MFSD6: variants seen among roughly 807,000 people sequenced by gnomAD.
MFSD6 encodes the protein major facilitator superfamily domain-containing protein 6.
In MFSD6, 26 loss-of-function variants were observed where a neutral mutation model predicts 56.3. The ratio of observed to expected loss-of-function variants is 0.46; its 90% CI spans 0.34 to 0.64. MFSD6 has a LOEUF of 0.64. MFSD6 is among the 30% of genes least tolerant of loss of function. The pLI, the probability that MFSD6 is intolerant of heterozygous loss-of-function variation, is 0.01. For missense variants in MFSD6, 750 were observed against 986.2 expected (o/e 0.76, Z 3.21); for synonymous variants, 331 against 366.9 (o/e 0.90, Z 1.12).
rs951504868 is a variant in MFSD6 at position 190,497,520 on chromosome 2, C to T, written c.1973C>T (p.Thr658Ile). Residue 658 changes from threonine (T) to isoleucine (I), a missense_variant, in exon 7 of 8, where the codon ACA becomes ATA. Coordinates refer to ENST00000392328, the MANE Select transcript of MFSD6 (RefSeq NM_017694.4). The surrounding 1 kb of genome is among the most constrained non-coding windows in gnomAD (Gnocchi z 5.2). ...IATIDLVQQQ[T>I]EDVMPRIEPR... The stretch of plus-strand genomic sequence containing the variant: ...ACCATCGACTTGGTACAGCAACAGA[C>T]AGAAGATGTCATGCCACGCATTGAG... 1.9e-6 allele frequency: 3 copies of T among 1,614,060 alleles called. No homozygotes were observed. The African/African-American group carries it at 4.0e-5, about 22-fold the overall frequency.
At chr2:190,476,943 C>G (rs983923406) in intron 4 of MFSD6, among the ~76,000 whole-genome samples, 1 of 150,988 alleles carries the variant, frequency 6.6e-6, no homozygotes, top group African/African-American at 2.4e-5. Flanking sequence ...TCTCAGCAAA[C>G]TATTGTAAGG....
intron 3 of MFSD6, among the ~76,000 whole-genome samples, chr2:190,460,796 C>A (rs1687290111): frequency 6.6e-6 from 1 of 152,174 alleles, no homozygotes; most frequent in Admixed American, 6.5e-5. Flanking sequence ...GTCCATTTGT[C>A]ATCCCTGCGA....
chr2:190,450,233 A>G (rs1451962971), intron 3 of MFSD6, among the ~76,000 whole-genome samples: 1 of 152,110 alleles, frequency 6.6e-6, no homozygotes, highest in African/African-American at 2.4e-5. Context: ...TTCTACATAT[A>G]CATGGAAATA....
In MFSD6 at chr2:190,469,902, C is replaced by A; in HGVS notation, c.1630+47C>A. 7.1e-7 allele frequency: 1 copy of A among 1,417,988 alleles called. No individual in the cohort carries two copies. Among genetic ancestry groups the A allele is most frequent in the Non-Finnish European group, 9.9e-7 (1 of 1,010,128 alleles). The allele number at this position is 1,417,988 out of a possible 1,614,324, so 87.8% of individuals were successfully genotyped here. On this transcript the variant is annotated intron_variant, in intron 4 of 7. Transcript: ENST00000392328. The surrounding 1 kb of genome is among the most constrained non-coding windows in gnomAD (Gnocchi z 5.3). Reference sequence around the variant, plus strand: ...AAATTATTTCTCTGCCTTCCCTGAGCTGTGGCTAAAAGCCCAGTGGCCTTC... The same window carrying A: ...AAATTATTTCTCTGCCTTCCCTGAGATGTGGCTAAAAGCCCAGTGGCCTTC...
Position 190,497,433 on chromosome 2 carries a change from C to T in MFSD6, c.1892-6C>T, listed in dbSNP as rs1479829633. Reference sequence around the variant, plus strand: ...AAAAATAGTTTAAACATTCTTTTCTCTCCAGACAAGACAATGTTGGCAGAA... The same window carrying T: ...AAAAATAGTTTAAACATTCTTTTCTTTCCAGACAAGACAATGTTGGCAGAA... On this transcript the variant is annotated splice_polypyrimidine_tract_variant and splice_region_variant and intron_variant, in intron 6 of 7. Coordinates refer to ENST00000392328, the MANE Select transcript of MFSD6 (RefSeq NM_017694.4). The surrounding 1 kb of genome is among the most constrained non-coding windows in gnomAD (Gnocchi z 5.2). The T allele has an allele frequency of 1.9e-6, 3 of 1,611,756 alleles. No individual in the cohort carries two copies. Among genetic ancestry groups the T allele is most frequent in the Admixed American group, 1.7e-5 (1 of 59,930 alleles).
At chr2:190,464,548 G>A (rs1284610480) in intron 3 of MFSD6, among the ~76,000 whole-genome samples, 1 of 152,102 alleles carries the variant, frequency 6.6e-6, no homozygotes, top group East Asian at 1.9e-4. Context: ...CAGTCACCCT[G>A]TCTGGCCACA....
At chr2:190,420,964 T>C (rs1429047171) in intron 2 of MFSD6, among the ~76,000 whole-genome samples, 1 of 152,228 alleles carries the variant, frequency 6.6e-6, no homozygotes, top group Non-Finnish European at 1.5e-5. Context: ...ATAACGACTT[T>C]GTATTTGTTG....
chr2:190,427,574 C>T (rs896409339), intron 2 of MFSD6, among the ~76,000 whole-genome samples: 2 of 152,132 alleles, frequency 1.3e-5, no homozygotes, highest in Non-Finnish European at 2.9e-5. Context: ...TCCTTGGGTA[C>T]CAAGGTCCAT....
In MFSD6 at chr2:190,412,739, C is replaced by A; in HGVS notation, c.-175-2553C>A. 2.1e-6 allele frequency: 1 copy of A among 470,534 alleles called. No individual in the cohort carries two copies. Among genetic ancestry groups the A allele is most frequent in the Non-Finnish European group, 2.8e-6 (1 of 359,644 alleles). 29.1% of individuals were successfully genotyped at this position (470,534 alleles called of 1,614,324 possible). ...GGGGGTGAGAGGGGCTTGTGTCAGC[C>A]TGATTTGTTTTCCTAAATTCTGAAT... On this transcript the variant is annotated intron_variant, in intron 1 of 7. Coordinates refer to ENST00000392328, the MANE Select transcript of MFSD6 (RefSeq NM_017694.4). The surrounding 1 kb of genome is among the most constrained non-coding windows in gnomAD (Gnocchi z 4.1).
In MFSD6 at chr2:190,489,556, G is replaced by A. The variant is rs771883726; in HGVS notation, c.1793-212G>A. 2.6e-5 allele frequency among the ~76,000 whole-genome samples: 4 copies of A among 152,124 alleles called. No homozygotes were observed. Among genetic ancestry groups the A allele is most frequent in the East Asian group, 3.8e-4 (2 of 5,196 alleles). On this transcript the variant is annotated intron_variant, in intron 5 of 7. Transcript: ENST00000392328. The surrounding 1 kb of genome is among the most constrained non-coding windows in gnomAD (Gnocchi z 6.6). ...CCTATATAAATGCAGTTTTATAATC[G>A]ATCAATGACAGATCCAATATCAGCC...
At position 190,412,260 on chromosome 2, in the gene MFSD6, G is replaced by T; in HGVS notation, c.-175-3032G>T. The T allele has an allele frequency of 1.0e-6, 1 of 984,378 alleles. No individual in the cohort carries two copies. The highest frequency in any genetic ancestry group is 1.2e-6 in the Non-Finnish European group (1 of 829,092). The allele number at this position is 984,378 out of a possible 1,614,324, so 61.0% of individuals were successfully genotyped here. A position where few individuals can be genotyped will look rare whatever the true frequency, so the allele number is the denominator to read the frequency against. On this transcript the variant is annotated intron_variant, in intron 1 of 7. Coordinates refer to ENST00000392328, the MANE Select transcript of MFSD6 (RefSeq NM_017694.4). This position sits in a 1 kb window ranked among gnomAD's most constrained non-coding sequence, Gnocchi z 4.1. ...TCAAGAAAACACATGCTTAAACTTG[G>T]TTAATTATCATTGTGGTAGTAGGTA...
intron 2 of MFSD6, among the ~76,000 whole-genome samples, chr2:190,432,767 G>A (rs924521308): frequency 2.0e-5 from 3 of 151,860 alleles, no homozygotes. Flanking sequence ...ATTTGTTTGG[G>A]GTTTAGACTT....
chr2:190,479,836 G>A (rs1000660114), intron 4 of MFSD6, among the ~76,000 whole-genome samples: 4 of 152,152 alleles, frequency 2.6e-5, no homozygotes, highest in South Asian at 2.1e-4. Context: ...AGTGGGAGCC[G>A]GGTTAAGATT....
At position 190,467,572 on chromosome 2, in the gene MFSD6, C is replaced by A. The variant is rs536953849; in HGVS notation, c.1533-2186C>A. Among the ~76,000 whole-genome samples, 2 of 152,204 alleles carry A rather than the reference C, an allele frequency of 1.3e-5. No homozygotes were observed. Among genetic ancestry groups the A allele is most frequent in the Admixed American group, 6.5e-5 (1 of 15,288 alleles). ...AGGTTTCAGTGAGCCGAGATCGTGC[C>A]ACTGCTCTCTAGCCTCGGCAACAGA... On this transcript the variant is annotated intron_variant, in intron 3 of 7. Transcript: ENST00000392328. This position sits in a 1 kb window ranked among gnomAD's most constrained non-coding sequence, Gnocchi z 5.5.
chr2:190,451,221 G>A lies in MFSD6; in HGVS notation c.1532+13660G>A, dbSNP rs1046273753. On this transcript the variant is annotated intron_variant, in intron 3 of 7. Transcript: ENST00000392328. This position sits in a 1 kb window ranked among gnomAD's most constrained non-coding sequence, Gnocchi z 5.0. ...CCCACACTTAGTCCTGTCTAACATTGGATAAGTCAGTAATTTTAGCTTTGT... is the reference window on the plus strand; with the variant it reads ...CCCACACTTAGTCCTGTCTAACATTAGATAAGTCAGTAATTTTAGCTTTGT... Among the ~76,000 whole-genome samples, 1 of 152,160 alleles carries A rather than the reference G, an allele frequency of 6.6e-6. No homozygotes were observed. Among genetic ancestry groups the A allele is most frequent in the South Asian group, 2.1e-4 (1 of 4,830 alleles).
At position 190,487,235 on chromosome 2, in the gene MFSD6, G is replaced by A. The variant is rs527632605; in HGVS notation, c.1631-1422G>A. Among the ~76,000 whole-genome samples, 1 of 152,290 alleles carries A rather than the reference G, an allele frequency of 6.6e-6. No individual in the cohort carries two copies. The highest frequency in any genetic ancestry group is 2.1e-4 in the South Asian group (1 of 4,830). On this transcript the variant is annotated intron_variant, in intron 4 of 7. Transcript: ENST00000392328. This position sits in a 1 kb window ranked among gnomAD's most constrained non-coding sequence, Gnocchi z 5.5. ...GGGCACTTGTAGTCCCAGCTACTTGGGAGGCTGAAGCAGGAGGATCGCTTG... is the reference window on the plus strand; with the variant it reads ...GGGCACTTGTAGTCCCAGCTACTTGAGAGGCTGAAGCAGGAGGATCGCTTG...
chr2:190,464,938 T>TTATA (rs1472127084), intron 3 of MFSD6: 1 of 981,446 alleles, frequency 1.0e-6, no homozygotes, highest in Non-Finnish European at 1.2e-6. Flanking sequence ...TTTAGCCATA[T>TTATA]TATAGTTGGT....
At position 190,431,167 on chromosome 2, in the gene MFSD6, C is replaced by T. The variant is rs1227686069; in HGVS notation, c.-53-4810C>T. On this transcript the variant is annotated intron_variant, in intron 2 of 7. Transcript: ENST00000392328. This position sits in a 1 kb window ranked among gnomAD's most constrained non-coding sequence, Gnocchi z 4.4. ...CGATGGGCAGCCAGGCAGAGACGCT[C>T]CTCACTTCCCAGATGGGATGGTGGC... Among the ~76,000 whole-genome samples the T allele has an allele frequency of 1.3e-5, 2 of 151,812 alleles. No individual in the cohort carries two copies. The highest frequency in any genetic ancestry group is 2.4e-5 in the African/African-American group (1 of 41,296).
chr2:190,473,636 C>A (rs925986633), intron 4 of MFSD6, among the ~76,000 whole-genome samples: 2 of 152,266 alleles, frequency 1.3e-5, no homozygotes, highest in South Asian at 2.1e-4. Flanking sequence ...GACTTTAACA[C>A]CCCACTGTCA....
Sources: allele counts gnomAD v4.1 joint callset (sites outside exome capture counted in the v4.1 genomes callset), GRCh38; gene constraint gnomAD v4.1.1; non-coding constraint Gnocchi (gnomAD v3.1); transcripts MANE v1.5; gene names NCBI Gene and HGNC (gene_info 2026-07-23, HGNC 2026-07-21).